MB21D2: variants seen among roughly 807,000 people sequenced by gnomAD.
MB21D2 encodes the protein Mab-21 domain containing 2.
MB21D2 carries 9 observed loss-of-function variants against 33.3 expected under a neutral mutation model. The ratio of observed to expected loss-of-function variants is 0.27; its 90% confidence interval spans 0.16 to 0.47. The LOEUF is 0.47. MB21D2 is among the 20% of genes least tolerant of loss of function. The pLI, the probability that MB21D2 is intolerant of heterozygous loss-of-function variation, is 0.99. For missense variants in MB21D2, 540 were observed against 624.6 expected, an observed-to-expected ratio of 0.86 and a Z score of 1.44; for synonymous variants, 241 against 236.3, an observed-to-expected ratio of 1.02 and a Z score of -0.18.
chr3:192,830,529 T>C (rs1191779022), intron 1 of MB21D2, among the ~76,000 whole-genome samples: 2 of 152,170 alleles, frequency 1.3e-5, no homozygotes, highest in Non-Finnish European at 2.9e-5. Flanking sequence ...CATACACCCC[T>C]TTCTGCAAAC....
At chr3:192,813,811 G>C (rs866229749) in intron 1 of MB21D2, among the ~76,000 whole-genome samples, 9 of 152,150 alleles carry the variant, frequency 5.9e-5, no homozygotes, top group African/African-American at 2.2e-4. Context: ...TGTAAGGTGG[G>C]AGAAAGGGCT....
intron 1 of MB21D2, among the ~76,000 whole-genome samples, chr3:192,815,335 T>C (rs1413447052): frequency 1.3e-5 from 2 of 152,158 alleles, no homozygotes; most frequent in African/African-American, 2.4e-5. Context: ...CCCAAAGTAC[T>C]TGACTCTCAA....
chr3:192,834,327 A>C (rs1274755351), intron 1 of MB21D2, among the ~76,000 whole-genome samples: 1 of 151,714 alleles, frequency 6.6e-6, no homozygotes, highest in African/African-American at 2.4e-5. Context: ...AAAAAAAAAA[A>C]ACCAAACAAA....
At chr3:192,887,691 A>C (rs1713762854) in intron 1 of MB21D2, among the ~76,000 whole-genome samples, 1 of 152,230 alleles carries the variant, frequency 6.6e-6, no homozygotes, top group South Asian at 2.1e-4. Context: ...TTAGCCCAAC[A>C]AAAAATATTT....
chr3:192,832,920 TA>T (rs1476844482), intron 1 of MB21D2, among the ~76,000 whole-genome samples: 4 of 152,224 alleles, frequency 2.6e-5, no homozygotes, highest in Non-Finnish European at 5.9e-5. Flanking sequence ...ATCTTTTATC[TA>T]AAATTTATGC....
At chr3:192,885,166 T>A (rs911876395) in intron 1 of MB21D2, among the ~76,000 whole-genome samples, 1 of 152,212 alleles carries the variant, frequency 6.6e-6, no homozygotes, top group East Asian at 1.9e-4. Flanking sequence ...TGTGACTACA[T>A]TGTAAGCCCA....
chr3:192,871,269 T>C (rs7632828), intron 1 of MB21D2, among the ~76,000 whole-genome samples: 2,871 of 152,286 alleles, frequency 0.019, 82 homozygotes, highest in African/African-American at 0.065. Context: ...CCAGGCTTAC[T>C]AGAAAAGGAA....
chr3:192,852,005 T>A (rs1228409975), intron 1 of MB21D2, among the ~76,000 whole-genome samples: 1 of 152,206 alleles, frequency 6.6e-6, no homozygotes, highest in Non-Finnish European at 1.5e-5. Context: ...CTTCGAGGAA[T>A]GATTGGCAAA....
chr3:192,864,849 C>T (rs974668336), intron 1 of MB21D2, among the ~76,000 whole-genome samples: 1 of 152,204 alleles, frequency 6.6e-6, no homozygotes, highest in African/African-American at 2.4e-5. Flanking sequence ...ACTGCCCTCT[C>T]ACCCAGAGCA....
chr3:192,802,385 G>A (rs886958944), intron 1 of MB21D2, among the ~76,000 whole-genome samples: 1 of 152,088 alleles, frequency 6.6e-6, no homozygotes, highest in African/African-American at 2.4e-5. Context: ...CATTTCAGAG[G>A]CTGCGTCCTG....
chr3:192,816,400 AAG>A (rs1711925313), intron 1 of MB21D2, among the ~76,000 whole-genome samples: 1 of 152,160 alleles, frequency 6.6e-6, no homozygotes, highest in Non-Finnish European at 1.5e-5. Flanking sequence ...CCAGTCTAAC[AAG>A]AGGTGGTTTG....
At chr3:192,846,072 A>C (rs542512414) in intron 1 of MB21D2, among the ~76,000 whole-genome samples, 1 of 152,322 alleles carries the variant, frequency 6.6e-6, no homozygotes, top group South Asian at 2.1e-4. Flanking sequence ...ACCCTGTCTC[A>C]AAACTATATA....
intron 1 of MB21D2, among the ~76,000 whole-genome samples, chr3:192,873,011 C>G (rs1326202979): frequency 7.2e-6 from 1 of 138,914 alleles, no homozygotes; most frequent in Non-Finnish European, 1.5e-5. Flanking sequence ...TAGAAGACAC[C>G]CCCCCCCACC....
intron 1 of MB21D2, among the ~76,000 whole-genome samples, chr3:192,850,933 G>A (rs185664075): frequency 6.6e-5 from 10 of 152,304 alleles, no homozygotes; most frequent in Admixed American, 6.5e-4. Context: ...GGCGGGAAGA[G>A]TAAGGTTAAG....
At chr3:192,831,721 T>A (rs1712319469) in intron 1 of MB21D2, among the ~76,000 whole-genome samples, 1 of 152,164 alleles carries the variant, frequency 6.6e-6, no homozygotes, top group Admixed American at 6.5e-5. Flanking sequence ...GATGTACAAT[T>A]GTGAGAAAGG....
At chr3:192,837,751 T>C (rs1371865031) in intron 1 of MB21D2, among the ~76,000 whole-genome samples, 1 of 152,218 alleles carries the variant, frequency 6.6e-6, no homozygotes, top group Non-Finnish European at 1.5e-5. Context: ...TTAGATTCTG[T>C]ATTTTTAAAT....
intron 1 of MB21D2, among the ~76,000 whole-genome samples, chr3:192,841,921 A>C (rs1426296358): frequency 1.3e-5 from 2 of 152,182 alleles, no homozygotes; most frequent in African/African-American, 2.4e-5. Flanking sequence ...CATGAGTAGA[A>C]GTGAACCAGG....
At chr3:192,803,561 C>T (rs1430273841) in intron 1 of MB21D2, among the ~76,000 whole-genome samples, 1 of 152,198 alleles carries the variant, frequency 6.6e-6, no homozygotes, top group Admixed American at 6.5e-5. Flanking sequence ...GAACTCGAGC[C>T]TTCCCCAGCG....
Position 192,798,303 on chromosome 3 carries a change from TA to T in MB21D2, c.*82del. ...ACAAATCCAATCTAGGCTGGATATG[TA>T]AAAAACAGAAAGATAGCATCACAAA... On this transcript the variant is annotated 3_prime_UTR_variant, in exon 2 of 2. Transcript: ENST00000392452. This position sits in a 1 kb window ranked among gnomAD's most constrained non-coding sequence, Gnocchi z 4.8. 1 of 1,476,082 alleles carries T rather than the reference TA, an allele frequency of 6.8e-7. No homozygotes were observed. The highest frequency in any genetic ancestry group is 9.2e-7 in the Non-Finnish European group (1 of 1,088,418). 91.4% of individuals were successfully genotyped at this position (1,476,082 alleles called of 1,614,324 possible).
Sources: gnomAD v4.1 joint callset for allele counts (sites outside exome capture counted in the v4.1 genomes callset) on GRCh38, gnomAD v4.1.1 for gene constraint, Gnocchi (gnomAD v3.1) non-coding constraint, MANE v1.5 for transcripts, NCBI Gene and HGNC (gene_info 2026-07-23, HGNC 2026-07-21) for gene names.